GC: variants seen among roughly 807,000 people sequenced by gnomAD.
GC encodes GC vitamin D binding protein.
GC carries 43 observed loss-of-function variants against 56.7 expected under a neutral mutation model. The ratio of observed to expected loss-of-function variants is 0.76; its 90% CI spans 0.59 to 0.98. The LOEUF is 0.98. Among genes scored for constraint, GC ranks in the 50% least tolerant of loss-of-function variants. The pLI is 0.00. For synonymous variants in GC, 216 were observed against 202.7 expected (o/e 1.07, Z -0.56); for missense variants, 529 against 545.9 (o/e 0.97, Z 0.31).
At chr4:71,776,964 G>A (rs1742526517) in intron 1 of GC, among the ~76,000 whole-genome samples, 1 of 151,814 alleles carries the variant, frequency 6.6e-6, no homozygotes, top group Non-Finnish European at 1.5e-5. Context: ...CATCACACAT[G>A]TTTTTGTCAA....
intron 1 of GC, among the ~76,000 whole-genome samples, chr4:71,803,482 T>C (rs1743296937): frequency 6.6e-6 from 1 of 152,098 alleles, no homozygotes; most frequent in South Asian, 2.1e-4. Flanking sequence ...TTCTTTTTTA[T>C]TCAAGGTATT....
intron 1 of GC, among the ~76,000 whole-genome samples, chr4:71,798,278 T>C (rs1743161754): frequency 6.6e-6 from 1 of 152,248 alleles, no homozygotes; most frequent in Non-Finnish European, 1.5e-5. Context: ...TAAAAGCTGC[T>C]TTAAATCTTT....
At chr4:71,745,581 T>C (rs937698230) in intron 12 of GC, among the ~76,000 whole-genome samples, 47 of 152,270 alleles carry the variant, frequency 3.1e-4, no homozygotes, top group African/African-American at 1.1e-3. Context: ...AGAGAAAATA[T>C]TGTTGTTGAA....
At chr4:71,752,097 A>T (rs1741575286) in intron 11 of GC, among the ~76,000 whole-genome samples, 2 of 152,074 alleles carry the variant, frequency 1.3e-5, no homozygotes, top group African/African-American at 4.8e-5. Context: ...TATCTACATA[A>T]ACACACATAC....
At chr4:71,758,703 C>T (rs1741868372) in intron 6 of GC, among the ~76,000 whole-genome samples, 1 of 151,980 alleles carries the variant, frequency 6.6e-6, no homozygotes, top group Non-Finnish European at 1.5e-5. Flanking sequence ...CCAGGAATAA[C>T]ATTAAATATT....
At chr4:71,786,886 A>G (rs1237983798), upstream of GC, among the ~76,000 whole-genome samples, 1 of 151,814 alleles carries the variant, frequency 6.6e-6, no homozygotes, top group Non-Finnish European at 1.5e-5. Flanking sequence ...TCTTTATACT[A>G]TTAAAATGCA....
At chr4:71,769,645 C>T (rs2276460) in intron 1 of GC, 13,329 of 392,820 alleles carry the variant, frequency 0.034, 667 homozygotes, top group African/African-American at 0.13. Context: ...TAATACTGAA[C>T]GTAAGTGAGT....
At chr4:71,778,891 G>GTTATTATTATTATTATTA (rs149876631) in intron 1 of GC, among the ~76,000 whole-genome samples, 30 of 143,324 alleles carry the variant, frequency 2.1e-4, no homozygotes, top group African/African-American at 7.5e-4. Context: ...ATTGCTGTCA[G>GTTATTATTATTATTATTA]TTATTATTAT....
intron 1 of GC, among the ~76,000 whole-genome samples, chr4:71,799,522 T>G (rs1289594703): frequency 1.3e-5 from 2 of 152,174 alleles, no homozygotes; most frequent in East Asian, 3.9e-4. Context: ...TCCTGATTGC[T>G]CTTGCTTTGG....
chr4:71,763,001 A>G (rs1019925270), intron 6 of GC, among the ~76,000 whole-genome samples: 2 of 152,238 alleles, frequency 1.3e-5, no homozygotes, highest in Admixed American at 1.3e-4. Context: ...TCTTCATACA[A>G]CAAGTAAGAA....
chr4:71,799,614 G>A (rs1187822398), intron 1 of GC, among the ~76,000 whole-genome samples: 1 of 152,198 alleles, frequency 6.6e-6, no homozygotes, highest in Non-Finnish European at 1.5e-5. Context: ...CAGCTCTAAA[G>A]TGTGGGGGTC....
intron 1 of GC, among the ~76,000 whole-genome samples, chr4:71,779,037 G>A (rs1742595086): frequency 6.6e-6 from 1 of 151,318 alleles, no homozygotes; most frequent in Non-Finnish European, 1.5e-5. Flanking sequence ...TCTCCTGGGA[G>A]CATGGCATCA....
At chr4:71,805,085 T>A (rs1013021931), upstream of GC, among the ~76,000 whole-genome samples, 2 of 152,120 alleles carry the variant, frequency 1.3e-5, no homozygotes, top group African/African-American at 4.8e-5. Context: ...TTCTGCCCAC[T>A]TGTTCCCAGA....
At position 71,772,820 on chromosome 4, in the gene GC, T is replaced by A. The variant is rs968732710; in HGVS notation, c.59-3420A>T. On this transcript the variant is annotated intron_variant, in intron 1 of 12. Coordinates refer to ENST00000273951, the MANE Select transcript of GC (RefSeq NM_000583.4). ...TGTAGAGGAAGCTGTTGCACCATGA[T>A]CTTTCAGGTGAGCTACCCAAAATGT... Among the ~76,000 whole-genome samples, 4 of 152,240 alleles carry A rather than the reference T, an allele frequency of 2.6e-5. No homozygotes were observed. In the East Asian group the frequency reaches 7.7e-4, roughly 29 times the overall value.
upstream of GC, among the ~76,000 whole-genome samples, chr4:71,804,748 T>C (rs1048682594): frequency 1.3e-5 from 2 of 152,112 alleles, no homozygotes. Context: ...TTGTTCGTCT[T>C]GCATCACTGG....
intron 1 of GC, among the ~76,000 whole-genome samples, chr4:71,794,307 G>A (rs1002143531): frequency 6.6e-6 from 1 of 152,124 alleles, no homozygotes; most frequent in Non-Finnish European, 1.5e-5. Context: ...TGTTTGGTAA[G>A]CTATTAATTA....
At chr4:71,769,421 A>C in intron 1 of GC, 21 bp from the exon 2 acceptor site, 1 of 1,514,022 alleles carries the variant, frequency 6.6e-7, no homozygotes, top group Non-Finnish European at 9.2e-7. Context: ...GAAATAGAAA[A>C]ATTTGTATGT....
chr4:71,797,249 A>G (rs972974079), intron 1 of GC, among the ~76,000 whole-genome samples: 26 of 152,234 alleles, frequency 1.7e-4, no homozygotes, highest in African/African-American at 5.8e-4. Context: ...TTAAGTCTGC[A>G]GAAGTTTCTG....
chr4:71,805,022 T>A (rs928992469), upstream of GC, among the ~76,000 whole-genome samples: 3 of 152,104 alleles, frequency 2.0e-5, no homozygotes, highest in African/African-American at 4.8e-5. Context: ...AGGCCCATAA[T>A]GTTAAAGATG....
Sources: gnomAD v4.1 joint callset for allele counts (sites outside exome capture counted in the v4.1 genomes callset) on GRCh38, gnomAD v4.1.1 for gene constraint, MANE v1.5 for transcripts, NCBI Gene and HGNC (gene_info 2026-07-23, HGNC 2026-07-21) for gene names.